ZNF131: variants seen among roughly 807,000 people sequenced by gnomAD.
ZNF131 encodes zinc finger and BTB domain containing 35, also known as zinc finger protein 131.
ZNF131 carries 7 observed loss-of-function variants against 60.0 expected under a neutral mutation model. The ratio of observed to expected loss-of-function variants is 0.12; its 90% confidence interval spans 0.07 to 0.22. The LOEUF (loss-of-function observed/expected upper bound fraction) is 0.22, where lower values mean the gene tolerates loss of function less well. ZNF131 is among the 10% of genes least tolerant of loss of function. ZNF131 has a pLI of 1.00. For missense variants in ZNF131, 493 were observed against 740.9 expected (o/e 0.67, Z 3.88); for synonymous variants, 257 against 253.2 (o/e 1.01, Z -0.14).
chr5:43,123,026 A>G (rs112066651), intron 2 of ZNF131, among the ~76,000 whole-genome samples, 183 bp from the exon 3 acceptor site: 2,151 of 152,350 alleles, frequency 0.014, 24 homozygotes, highest in South Asian at 0.025. Flanking sequence ...TTTATATCTA[A>G]TTGAGATTAA....
intron 3 of ZNF131, among the ~76,000 whole-genome samples, chr5:43,127,995 A>C (rs957519605): frequency 1.2e-4 from 19 of 152,194 alleles, no homozygotes; most frequent in African/African-American, 4.3e-4. Context: ...ATGTTTATAC[A>C]TCTTTTTGAG....
At position 43,175,550 on chromosome 5, in the gene ZNF131, A is replaced by C; in HGVS notation, c.*417A>C. 1.5e-6 allele frequency: 1 copy of C among 673,612 alleles called. No individual in the cohort carries two copies. Among genetic ancestry groups the C allele is most frequent in the South Asian group, 1.6e-5 (1 of 62,198 alleles). The allele number at this position is 673,612 out of a possible 1,614,324, so 41.7% of individuals were successfully genotyped here. Reference sequence around the variant, plus strand: ...TATTCTAATGCATGTTAGAAAATTGAATAATATAGGAAACACAAGGCTGCA... The same window carrying C: ...TATTCTAATGCATGTTAGAAAATTGCATAATATAGGAAACACAAGGCTGCA... On this transcript the variant is annotated 3_prime_UTR_variant, in exon 7 of 7. Transcript: ENST00000682664.
chr5:43,134,258 A>G (rs980002686), intron 3 of ZNF131, among the ~76,000 whole-genome samples: 6 of 152,360 alleles, frequency 3.9e-5, no homozygotes, highest in African/African-American at 1.4e-4. Flanking sequence ...CATACTAACA[A>G]TAAAGAAGCA....
intron 3 of ZNF131, among the ~76,000 whole-genome samples, chr5:43,127,588 T>C (rs769959876): frequency 6.6e-5 from 10 of 152,340 alleles, no homozygotes; most frequent in East Asian, 1.9e-4. Context: ...GACGTGTATA[T>C]AAATTTAGAT....
At position 43,138,470 on chromosome 5, in the gene ZNF131, T is replaced by G. The variant is rs1481558710; in HGVS notation, c.227-695T>G. ...GAGTTTGAGACCAGCCTGACCAACA[T>G]GGGGAAACCCCATCTCTACTAAAAA... On this transcript the variant is annotated intron_variant, in intron 3 of 6. Coordinates refer to ENST00000682664, the MANE Select transcript of ZNF131 (RefSeq NM_001330707.2). Among the ~76,000 whole-genome samples the G allele has an allele frequency of 2.0e-5, 3 of 152,068 alleles. No individual in the cohort carries two copies. In the East Asian group the frequency reaches 5.8e-4, roughly 29 times the overall value.
chr5:43,159,210 A>G (rs1282936696), intron 4 of ZNF131, among the ~76,000 whole-genome samples: 1 of 152,140 alleles, frequency 6.6e-6, no homozygotes. Flanking sequence ...GAGTGGGGGC[A>G]TTCTCTTTAT....
intron 3 of ZNF131, among the ~76,000 whole-genome samples, chr5:43,137,420 GT>G (rs1746262682): frequency 6.6e-6 from 1 of 152,000 alleles, no homozygotes; most frequent in Non-Finnish European, 1.5e-5. Context: ...AATTAAAAAT[GT>G]TTTTTTAAAT....
chr5:43,145,866 G>A (rs183853323), intron 4 of ZNF131, among the ~76,000 whole-genome samples: 2 of 152,158 alleles, frequency 1.3e-5, no homozygotes, highest in African/African-American at 2.4e-5. Context: ...TTGTGTTACC[G>A]ATACCAGACA....
chr5:43,159,546 T>C (rs926342104), intron 4 of ZNF131, among the ~76,000 whole-genome samples: 1 of 151,756 alleles, frequency 6.6e-6, no homozygotes, highest in African/African-American at 2.4e-5. Context: ...AATACAAAAA[T>C]TAGGCGGGCA....
chr5:43,174,604 G>A lies in ZNF131; in HGVS notation c.1343G>A (p.Arg448His), dbSNP rs758272060. ...AGTGATGCTCACAATATTTCAGAGC[G>A]TCTAGTAACGGAAGAAGTTCTTTCA... ...HLSDAHNISERLVTEEVLSVE... is the reference protein window; with the variant it reads ...HLSDAHNISEHLVTEEVLSVE... Residue 448 changes from arginine (R) to histidine (H), a missense_variant, in exon 7 of 7, where the codon CGT becomes CAT. Physicochemically the swap from Arg to His is conservative, Grantham distance 29. Coordinates refer to ENST00000682664, the MANE Select transcript of ZNF131 (RefSeq NM_001330707.2). 3.7e-5 allele frequency: 60 copies of A among 1,613,786 alleles called. No homozygotes were observed. Among genetic ancestry groups the A allele is most frequent in the Non-Finnish European group, 3.6e-5 (43 of 1,179,888 alleles).
chr5:43,124,621 G>A (rs1170397135), intron 3 of ZNF131: 2 of 152,092 alleles, frequency 1.3e-5, no homozygotes, highest in East Asian at 3.8e-4. Flanking sequence ...GATGATAGTG[G>A]TTTCTACTAC....
At chr5:43,123,509 C>T (rs1310892473) in intron 3 of ZNF131, 199 bp downstream of exon 3, 2 of 418,288 alleles carry the variant, frequency 4.8e-6, no homozygotes, top group Non-Finnish European at 4.2e-6. Context: ...AGAAGTCTTA[C>T]TTTCAGTGAA....
intron 3 of ZNF131, 113 bp from the exon 4 acceptor site, chr5:43,139,052 T>C: frequency 1.0e-6 from 1 of 956,468 alleles, no homozygotes; most frequent in Non-Finnish European, 1.4e-6. Context: ...AGAAAATAGT[T>C]TTCAAAAATA....
At chr5:43,155,268 A>T (rs72750795) in intron 4 of ZNF131, among the ~76,000 whole-genome samples, 1 of 152,124 alleles carries the variant, frequency 6.6e-6, no homozygotes, top group Non-Finnish European at 1.5e-5. Context: ...CTTGTTAGTC[A>T]TGAAGTCTTG....
rs1751455028 is a variant in ZNF131 at position 43,175,260 on chromosome 5, A to C, written c.*127A>C. 1 of 989,044 alleles carries C rather than the reference A, an allele frequency of 1.0e-6. No individual in the cohort carries two copies. Among genetic ancestry groups the C allele is most frequent in the Admixed American group, 2.7e-5 (1 of 37,062 alleles). 61.3% of individuals were successfully genotyped at this position (989,044 alleles called of 1,614,324 possible). On this transcript the variant is annotated 3_prime_UTR_variant, in exon 7 of 7. Coordinates refer to ENST00000682664, the MANE Select transcript of ZNF131 (RefSeq NM_001330707.2). ...AGTTAAGCTGTTTCCTGTTGTGCTGAACTGTTGTCCGTTGAAACACATTGA... is the reference window on the plus strand; with the variant it reads ...AGTTAAGCTGTTTCCTGTTGTGCTGCACTGTTGTCCGTTGAAACACATTGA...
At chr5:43,164,948 C>CCT (rs1554069690) in intron 5 of ZNF131, among the ~76,000 whole-genome samples, 1 of 151,966 alleles carries the variant, frequency 6.6e-6, no homozygotes. Context: ...TCTCTTCTCT[C>CCT]CTCTCCTCTC....
At chr5:43,125,406 G>A (rs988171488) in intron 3 of ZNF131, among the ~76,000 whole-genome samples, 9 of 151,454 alleles carry the variant, frequency 5.9e-5, no homozygotes, top group Admixed American at 1.3e-4. Flanking sequence ...TGATCCACCC[G>A]CCTCTTCCTC....
At chr5:43,148,555 C>G (rs898204440) in intron 4 of ZNF131, among the ~76,000 whole-genome samples, 3 of 152,124 alleles carry the variant, frequency 2.0e-5, no homozygotes, top group Non-Finnish European at 4.4e-5. Context: ...GTCTCTGTTG[C>G]AATTACTCAG....
At chr5:43,167,770 G>C (rs535377856) in intron 5 of ZNF131, among the ~76,000 whole-genome samples, 29 of 152,354 alleles carry the variant, frequency 1.9e-4, no homozygotes, top group African/African-American at 5.5e-4. Flanking sequence ...TGTGTAACAT[G>C]TTAAGTGCTG....
Sources: allele counts gnomAD v4.1 joint callset (sites outside exome capture counted in the v4.1 genomes callset), GRCh38; gene constraint gnomAD v4.1.1; transcripts MANE v1.5; gene names NCBI Gene and HGNC (gene_info 2026-07-23, HGNC 2026-07-21).